The following COL6A5 variants were observed in gnomAD, a reference collection of about 807,000 sequenced individuals.
The protein encoded by COL6A5 is collagen alpha-5(VI) chain.
A neutral mutation model predicts 65.6 loss-of-function variants in COL6A5; 48 were observed. That is an observed-to-expected ratio of 0.73 (90% CI 0.58 to 0.93). The LOEUF is 0.93. Among genes scored for constraint, COL6A5 ranks in the 40% least tolerant of loss-of-function variants. The pLI is 0.00. For missense variants in COL6A5, 914 were observed against 928.3 expected, an observed-to-expected ratio of 0.98 and a Z score of 0.20; for synonymous variants, 291 against 322.8, an observed-to-expected ratio of 0.90 and a Z score of 1.05.
At chr3:130,393,104 T>G (rs1050304850) in intron 7 of COL6A5, among the ~76,000 whole-genome samples, 13 of 150,714 alleles carry the variant, frequency 8.6e-5, no homozygotes, top group African/African-American at 9.8e-5. Context: ...GTGTGTGTGT[T>G]TTTCTTGGAG....
intron 6 of COL6A5, among the ~76,000 whole-genome samples, chr3:130,389,361 G>A (rs1396495758): frequency 1.3e-5 from 2 of 151,974 alleles, no homozygotes. Flanking sequence ...CTTCAAATAT[G>A]TTCCAAAAAG....
chr3:130,428,400 A>G (rs940624128), upstream of COL6A5, among the ~76,000 whole-genome samples: 2 of 152,136 alleles, frequency 1.3e-5, no homozygotes, highest in African/African-American at 2.4e-5. Flanking sequence ...TCTTTGGAAA[A>G]TAAAAGAAGG....
chr3:130,361,773 A>C (rs1178535326), intron 1 of COL6A5, among the ~76,000 whole-genome samples: 1 of 152,094 alleles, frequency 6.6e-6, no homozygotes, highest in Non-Finnish European at 1.5e-5. Context: ...TCACCATACT[A>C]ATGGGTGTGT....
chr3:130,401,477 A>G (rs1936814706), intron 11 of COL6A5, among the ~76,000 whole-genome samples: 1 of 152,242 alleles, frequency 6.6e-6, no homozygotes, highest in African/African-American at 2.4e-5. Flanking sequence ...TGTCAACTAG[A>G]AACCAACAAG....
chr3:130,415,294 A>G (rs778565864), intron 22 of COL6A5, among the ~76,000 whole-genome samples: 12 of 152,116 alleles, frequency 7.9e-5, no homozygotes, highest in Non-Finnish European at 1.3e-4. Context: ...TTACACATTA[A>G]TAAGGGCTTT....
chr3:130,451,364 G>A (rs1709426252), intron 4 of COL6A5, among the ~76,000 whole-genome samples: 1 of 152,098 alleles, frequency 6.6e-6, no homozygotes, highest in Non-Finnish European at 1.5e-5. Flanking sequence ...ATGAGAGTGT[G>A]AGAAAGGGGC....
In COL6A5 at chr3:130,358,048, G is replaced by T. The variant is rs576848792; in HGVS notation, c.-29+12067G>T. 3.6e-4 allele frequency among the ~76,000 whole-genome samples: 55 copies of T among 152,134 alleles called. No individual in the cohort carries two copies. In the South Asian group the frequency reaches 8.7e-3, roughly 24 times the overall value. The stretch of plus-strand genomic sequence containing the variant: ...ACTAAAAATACAAAAAATTAGCCGG[G>T]CGTGGTGGCGGGCGCCTGTAGTCCC... On this transcript the variant is annotated intron_variant and NMD_transcript_variant, in intron 1 of 41. Coordinates refer to the COL6A5 transcript ENST00000312481.
chr3:130,413,074 G>A (rs151078465), intron 20 of COL6A5, among the ~76,000 whole-genome samples: 2 of 152,216 alleles, frequency 1.3e-5, no homozygotes, highest in African/African-American at 4.8e-5. Flanking sequence ...TAGGGATAAG[G>A]AAGTTAGGAT....
Position 130,406,026 on chromosome 3 carries a change from G to A in COL6A5, c.4380+7G>A. 6.4e-7 allele frequency: 1 copy of A among 1,551,346 alleles called. No homozygotes were observed. The highest frequency in any genetic ancestry group is 1.2e-5 in the South Asian group (1 of 84,046). Reference sequence around the variant, plus strand: ...AGGATTTTCTGGACCTAAGGTACTGGAGTTTTTTCTTAGTTTAATTTGATT... The same window carrying A: ...AGGATTTTCTGGACCTAAGGTACTGAAGTTTTTTCTTAGTTTAATTTGATT... On this transcript the variant is annotated splice_region_variant and intron_variant and NMD_transcript_variant, in intron 15 of 41. Transcript: ENST00000312481.
At chr3:130,372,359 A>G (rs974875472) in intron 1 of COL6A5, among the ~76,000 whole-genome samples, 8 of 152,288 alleles carry the variant, frequency 5.3e-5, no homozygotes, top group African/African-American at 1.7e-4. Flanking sequence ...CAGCATGTAC[A>G]TAAGTGTTCA....
At chr3:130,378,129 C>T (rs944624057) in intron 3 of COL6A5, among the ~76,000 whole-genome samples, 5 of 152,042 alleles carry the variant, frequency 3.3e-5, no homozygotes, top group Admixed American at 6.6e-5. Flanking sequence ...TATGTGAATA[C>T]GGTGTACTTT....
chr3:130,382,655 G>T (rs1936038868), intron 4 of COL6A5, among the ~76,000 whole-genome samples: 2 of 152,128 alleles, frequency 1.3e-5, no homozygotes, highest in Non-Finnish European at 2.9e-5. Flanking sequence ...GTGATCTAGA[G>T]TGTGGTGGCC....
intron 7 of COL6A5, among the ~76,000 whole-genome samples, chr3:130,480,761 A>G (rs1366736316): frequency 2.0e-5 from 3 of 151,286 alleles, no homozygotes; most frequent in African/African-American, 4.9e-5. Context: ...TTTAAAGACA[A>G]CTAGGCTGGA....
chr3:130,481,751 G>A (rs757049037), intron 7 of COL6A5, among the ~76,000 whole-genome samples: 39 of 152,274 alleles, frequency 2.6e-4, no homozygotes, highest in African/African-American at 7.5e-4. Context: ...ACTGGCGTGA[G>A]ATAGTATCTC....
intron 2 of COL6A5, among the ~76,000 whole-genome samples, 195 bp from the exon 35 acceptor site, chr3:130,439,971 C>T (rs1414393738): frequency 1.3e-5 from 2 of 152,084 alleles, no homozygotes; most frequent in East Asian, 1.9e-4. Flanking sequence ...AAAGCCCTTC[C>T]CTTATTGTCT....
intron 4 of COL6A5, among the ~76,000 whole-genome samples, chr3:130,452,828 A>G (rs1709477372): frequency 6.6e-6 from 1 of 152,158 alleles, no homozygotes; most frequent in African/African-American, 2.4e-5. Flanking sequence ...CGACCATAGA[A>G]TACGGCCACA....
At chr3:130,459,267 A>G (rs1393565139) in intron 5 of COL6A5, among the ~76,000 whole-genome samples, 2 of 152,056 alleles carry the variant, frequency 1.3e-5, no homozygotes, top group Non-Finnish European at 2.9e-5. Flanking sequence ...TGCTTTAGGG[A>G]ATTTACACAG....
exon 3 of COL6A5, chr3:130,376,441 G>T (rs1416328620): frequency 2.5e-6 from 4 of 1,612,552 alleles, no homozygotes; most frequent in South Asian, 2.2e-5. Context: ...AAAGGCAGAA[G>T]CCCCATGCTG....
At chr3:130,357,779 T>G (rs1934971243) in intron 1 of COL6A5, among the ~76,000 whole-genome samples, 1 of 152,180 alleles carries the variant, frequency 6.6e-6, no homozygotes, top group African/African-American at 2.4e-5. Flanking sequence ...TAGCAGCCAT[T>G]CTTGATTTTC....
Sources: allele counts gnomAD v4.1 joint callset (sites outside exome capture counted in the v4.1 genomes callset), GRCh38; gene constraint gnomAD v4.1.1; transcripts MANE v1.5; gene names NCBI Gene and HGNC (gene_info 2026-07-23, HGNC 2026-07-21).